CDKL4: variants seen among roughly 807,000 people sequenced by gnomAD.
CDKL4 encodes cyclin dependent kinase like 4.
Under a neutral mutation model 42.0 loss-of-function variants are expected in CDKL4, and 44 were observed. The observed-to-expected ratio is 1.05, with a 90% CI of 0.82 to 1.35. CDKL4 has a LOEUF of 1.35. Ranked by LOEUF, CDKL4 falls within the 40% of genes most tolerant of loss-of-function variation. The pLI is 0.00. For synonymous variants in CDKL4, 120 were observed against 121.6 expected (o/e 0.99, Z 0.09); for missense variants, 393 against 369.9 (o/e 1.06, Z -0.51).
chr2:39,182,145 A>G (rs1310086271), intron 8 of CDKL4, among the ~76,000 whole-genome samples: 1 of 151,952 alleles, frequency 6.6e-6, no homozygotes, highest in Non-Finnish European at 1.5e-5. Flanking sequence ...CCATGCCTGA[A>G]TAATTTTTAT....
At chr2:39,170,140 A>G in the CDKL4 span, among the ~76,000 whole-genome samples, 13,843 of 152,092 alleles carry the variant, frequency 0.091, 2,070 homozygotes, top group African/African-American at 0.31. Context: ...CTAAGATTAC[A>G]GGCGTGCACC....
chr2:39,210,921 C>T (rs985754745), intron 4 of CDKL4, among the ~76,000 whole-genome samples: 3 of 152,092 alleles, frequency 2.0e-5, no homozygotes, highest in Admixed American at 2.0e-4. Context: ...ACTGACTTTC[C>T]TAAAACTAAA....
At chr2:39,194,435 C>T (rs1024939607) in intron 5 of CDKL4, among the ~76,000 whole-genome samples, 2 of 152,176 alleles carry the variant, frequency 1.3e-5, no homozygotes, top group African/African-American at 4.8e-5. Flanking sequence ...GATAATGCCA[C>T]TGCACTCCAG....
chr2:39,177,842 C>T lies in CDKL4; in HGVS notation c.927+1345G>A, dbSNP rs994455457. On this transcript the variant is annotated intron_variant, in intron 9 of 9. Transcript: ENST00000451199. ...GAGCTGGGATTACAGGCGCCCGCCACCACACCCGGCTAATTTTTGTATTTT... is the reference window on the plus strand; with the variant it reads ...GAGCTGGGATTACAGGCGCCCGCCATCACACCCGGCTAATTTTTGTATTTT... 2.6e-5 allele frequency among the ~76,000 whole-genome samples: 4 copies of T among 151,898 alleles called. No homozygotes were observed. In the East Asian group the frequency reaches 7.7e-4, roughly 29 times the overall value.
intron 1 of CDKL4, among the ~76,000 whole-genome samples, chr2:39,239,587 A>G (rs529848593): frequency 6.6e-6 from 1 of 152,370 alleles, no homozygotes; most frequent in African/African-American, 2.4e-5. Flanking sequence ...ACAAATGTCT[A>G]CTAAGCACAT....
chr2:39,200,969 T>C (rs1676804863), intron 5 of CDKL4, among the ~76,000 whole-genome samples: 1 of 151,942 alleles, frequency 6.6e-6, no homozygotes, highest in Non-Finnish European at 1.5e-5. Context: ...GATAAATAGA[T>C]GGAACTTAAA....
chr2:39,177,410 T>G (rs1675210530), intron 9 of CDKL4, among the ~76,000 whole-genome samples: 1 of 151,258 alleles, frequency 6.6e-6, no homozygotes, highest in Non-Finnish European at 1.5e-5. Context: ...TGAGTTTTTT[T>G]TTTTTTTTTT....
intron 5 of CDKL4, among the ~76,000 whole-genome samples, chr2:39,194,691 T>C (rs1201364212): frequency 6.6e-6 from 1 of 152,218 alleles, no homozygotes; most frequent in African/African-American, 2.4e-5. Context: ...CTCTTATCTA[T>C]CAACCTATTA....
chr2:39,175,907 C>A, exon 10 of CDKL4: 1 of 404,878 alleles, frequency 2.5e-6, no homozygotes, highest in Admixed American at 3.2e-5. Flanking sequence ...TCATATGGCT[C>A]ATTTGCATTT....
chr2:39,192,963 A>G (rs1423990726), intron 5 of CDKL4, among the ~76,000 whole-genome samples: 2 of 151,352 alleles, frequency 1.3e-5, no homozygotes, highest in African/African-American at 4.9e-5. Context: ...TTGTCCCTAC[A>G]AAAAAAATAA....
At chr2:39,174,729 C>T (rs372739930), downstream of CDKL4, among the ~76,000 whole-genome samples, 4 of 152,080 alleles carry the variant, frequency 2.6e-5, no homozygotes, top group East Asian at 1.9e-4. Flanking sequence ...TCACTGATTG[C>T]GCCTTTTTGC....
At chr2:39,215,056 C>G (rs764802965) in intron 3 of CDKL4, among the ~76,000 whole-genome samples, 1 of 152,224 alleles carries the variant, frequency 6.6e-6, no homozygotes, top group Non-Finnish European at 1.5e-5. Context: ...CATTTACACA[C>G]TGCCAAACTA....
chr2:39,243,919 CCCAG>C (rs1225886959), exon 1 of CDKL4, among the ~76,000 whole-genome samples: 2 of 152,248 alleles, frequency 1.3e-5, no homozygotes, highest in Non-Finnish European at 2.9e-5. Context: ...GCCGAACAGC[CCCAG>C]CCCCAGCTCC....
chr2:39,206,412 C>T (rs1354182868), intron 4 of CDKL4, among the ~76,000 whole-genome samples: 1 of 152,188 alleles, frequency 6.6e-6, no homozygotes, highest in African/African-American at 2.4e-5. Flanking sequence ...AGCGGCCTTA[C>T]AACTTGCTGC....
chr2:39,178,334 T>C (rs548649959), intron 9 of CDKL4, among the ~76,000 whole-genome samples: 2 of 152,302 alleles, frequency 1.3e-5, no homozygotes, highest in East Asian at 3.9e-4. Flanking sequence ...GAAAATTAGA[T>C]TGAAGATGAA....
intron 2 of CDKL4, among the ~76,000 whole-genome samples, chr2:39,226,634 G>A (rs889576365): frequency 6.6e-6 from 1 of 151,614 alleles, no homozygotes; most frequent in Non-Finnish European, 1.5e-5. Flanking sequence ...GATTAGGTAG[G>A]ACAGACCATC....
chr2:39,225,952 T>G (rs1343934175), exon 3 of CDKL4: 1 of 1,608,852 alleles, frequency 6.2e-7, no homozygotes, highest in African/African-American at 1.3e-5. Flanking sequence ...GATTTGGATG[T>G]TTTAATTGCT....
intron 5 of CDKL4, among the ~76,000 whole-genome samples, chr2:39,203,007 T>C (rs1013029419): frequency 6.6e-6 from 1 of 152,212 alleles, no homozygotes; most frequent in African/African-American, 2.4e-5. Context: ...AAGGTATCAT[T>C]ATTGGAATTG....
At chr2:39,208,879 T>C (rs369123590) in intron 4 of CDKL4, among the ~76,000 whole-genome samples, 2 of 152,252 alleles carry the variant, frequency 1.3e-5, no homozygotes, top group African/African-American at 4.8e-5. Context: ...ATTTATTCTC[T>C]TTGAGCCTTA....
Sources: gnomAD v4.1 joint callset for allele counts (sites outside exome capture counted in the v4.1 genomes callset) on GRCh38, gnomAD v4.1.1 for gene constraint, MANE v1.5 for transcripts, NCBI Gene and HGNC (gene_info 2026-07-23, HGNC 2026-07-21) for gene names.